The following ITGA1 variants were observed in gnomAD, a reference collection of about 807,000 sequenced individuals.
ITGA1 encodes the protein integrin subunit alpha 1.
A neutral mutation model predicts 145.9 loss-of-function variants in ITGA1; 85 were observed. That is an observed-to-expected ratio of 0.58 (90% CI 0.49 to 0.70). ITGA1 has a LOEUF of 0.70. ITGA1 is among the 30% of genes least tolerant of loss of function. ITGA1 has a pLI of 0.00. For missense variants in ITGA1, 1,351 were observed against 1,418.7 expected, an observed-to-expected ratio of 0.95 and a Z score of 0.77; for synonymous variants, 520 against 495.3, an observed-to-expected ratio of 1.05 and a Z score of -0.66.
chr5:52,880,916 G>A lies in ITGA1; in HGVS notation c.625-957G>A, dbSNP rs1749946426. 1.3e-5 allele frequency among the ~76,000 whole-genome samples: 2 copies of A among 152,174 alleles called. 1 individual carries two copies. The highest frequency in any genetic ancestry group is 4.1e-4 in the South Asian group (2 of 4,820). On this transcript the variant is annotated intron_variant, in intron 6 of 28. Transcript: ENST00000282588. Reference sequence around the variant, plus strand: ...TAAAGGGAGATGTGGAAAAAGTGTAGGAGAGATAGCCATTACTGGGGCCAG... The same window carrying A: ...TAAAGGGAGATGTGGAAAAAGTGTAAGAGAGATAGCCATTACTGGGGCCAG...
In ITGA1 at chr5:52,849,901, C is replaced by T. The variant is rs541258188; in HGVS notation, c.182+416C>T. Reference sequence around the variant, plus strand: ...CACACTTCCGTGAGTTTGGTCTTTACTGATCTACTGAGCTTGGTCTAATGT... The same window carrying T: ...CACACTTCCGTGAGTTTGGTCTTTATTGATCTACTGAGCTTGGTCTAATGT... On this transcript the variant is annotated intron_variant, in intron 2 of 28. Coordinates refer to ENST00000282588, the MANE Select transcript of ITGA1 (RefSeq NM_181501.2). Among the ~76,000 whole-genome samples the T allele has an allele frequency of 1.5e-4, 23 of 152,216 alleles. No homozygotes were observed. The East Asian group carries it at 2.1e-3, about 14-fold the overall frequency.
At chr5:52,949,265 A>G (rs1751182393) in intron 28 of ITGA1, among the ~76,000 whole-genome samples, 1 of 152,156 alleles carries the variant, frequency 6.6e-6, no homozygotes, top group South Asian at 2.1e-4. Flanking sequence ...CTTAATACTC[A>G]TATCAACCTT....
At chr5:52,911,137 ATT>A (rs1750515473) in intron 14 of ITGA1, among the ~76,000 whole-genome samples, 1 of 137,062 alleles carries the variant, frequency 7.3e-6, no homozygotes, top group Non-Finnish European at 1.5e-5. Context: ...TAGTTTATAT[ATT>A]GTATATAGTG....
At chr5:52,801,700 G>C in intron 1 of ITGA1, 1 of 1,614,172 alleles carries the variant, frequency 6.2e-7, no homozygotes, top group African/African-American at 1.3e-5. Flanking sequence ...GAAAGAGAAT[G>C]CAGGCACCGT....
At chr5:52,915,676 C>A in intron 15 of ITGA1, 82 bp downstream of exon 15, 3 of 1,490,060 alleles carry the variant, frequency 2.0e-6, no homozygotes, top group Non-Finnish European at 2.7e-6. Flanking sequence ...CATGTCATAC[C>A]AAATATCTAT....
chr5:52,898,868 T>A (rs941635754), intron 11 of ITGA1, among the ~76,000 whole-genome samples: 8 of 152,170 alleles, frequency 5.3e-5, no homozygotes, highest in Non-Finnish European at 1.0e-4. Context: ...ATAGCTCCAT[T>A]CACAATCAGA....
chr5:52,839,127 A>G (rs1749211570), intron 1 of ITGA1, among the ~76,000 whole-genome samples: 1 of 152,044 alleles, frequency 6.6e-6, no homozygotes, highest in Non-Finnish European at 1.5e-5. Flanking sequence ...AACAACAACA[A>G]CAAAGTCACA....
At chr5:52,909,748 T>C (rs1444403284) in intron 13 of ITGA1, among the ~76,000 whole-genome samples, 3 of 151,784 alleles carry the variant, frequency 2.0e-5, no homozygotes, top group African/African-American at 4.8e-5. Context: ...TGATTACCTT[T>C]GCTAGTACTT....
rs1751238156 is a variant in ITGA1, at chr5:52,952,510, C to A, written c.*59C>A. 1 of 747,812 alleles carries A rather than the reference C, an allele frequency of 1.3e-6. No homozygotes were observed. Among genetic ancestry groups the A allele is most frequent in the Non-Finnish European group, 2.1e-6 (1 of 468,784 alleles). 46.3% of individuals were successfully genotyped at this position (747,812 alleles called of 1,614,324 possible). A position where few individuals can be genotyped will look rare whatever the true frequency, so the allele number is the denominator to read the frequency against. Reference sequence around the variant, plus strand: ...CAATAATCTATCCTCAGGTTTGCCTCAAATATGTGACAAGAAATGTATAAT... The same window carrying A: ...CAATAATCTATCCTCAGGTTTGCCTAAAATATGTGACAAGAAATGTATAAT... On this transcript the variant is annotated 3_prime_UTR_variant, in exon 29 of 29. Coordinates refer to ENST00000282588, the MANE Select transcript of ITGA1 (RefSeq NM_181501.2).
intron 13 of ITGA1, among the ~76,000 whole-genome samples, chr5:52,909,733 A>G (rs894953668): frequency 6.8e-6 from 1 of 146,538 alleles, no homozygotes; most frequent in African/African-American, 2.5e-5. Flanking sequence ...AAGAAAGTGT[A>G]TTCTTGATTA....
chr5:52,818,814 T>C (rs6891629), intron 1 of ITGA1, among the ~76,000 whole-genome samples: 46,590 of 152,014 alleles, frequency 0.31, 7,751 homozygotes, highest in African/African-American at 0.45. Context: ...TTATAAATTT[T>C]AATTCTATTC....
chr5:52,887,157 G>C (rs947272444), intron 7 of ITGA1, among the ~76,000 whole-genome samples: 1 of 152,046 alleles, frequency 6.6e-6, no homozygotes, highest in Admixed American at 6.5e-5. Flanking sequence ...CAAATGTTTT[G>C]TAACTCCTTC....
At chr5:52,867,205 A>C (rs1421937591) in intron 6 of ITGA1, 1 of 152,054 alleles carries the variant, frequency 6.6e-6, no homozygotes, top group East Asian at 1.9e-4. Context: ...TTTGATATCT[A>C]TGTATATATA....
At chr5:52,900,431 G>A (rs78464352) in intron 11 of ITGA1, among the ~76,000 whole-genome samples, 12,082 of 151,942 alleles carry the variant, frequency 0.08, 691 homozygotes, top group Admixed American at 0.19. Flanking sequence ...ACCTAACCTA[G>A]GGAAAAAAAT....
At chr5:52,816,438 A>C (rs1748776369) in intron 1 of ITGA1, among the ~76,000 whole-genome samples, 1 of 152,190 alleles carries the variant, frequency 6.6e-6, no homozygotes, top group African/African-American at 2.4e-5. Context: ...GAATCTAAAA[A>C]CAATTGTTCC....
In ITGA1 at chr5:52,953,039, T is replaced by A. The variant is rs574157889; in HGVS notation, c.*588T>A. ...GGGTTCTATACCTAAAAATTTTCCC[T>A]CCCTGCCCAAGGTGATTGGAAAGTA... On this transcript the variant is annotated 3_prime_UTR_variant, in exon 29 of 29. Coordinates refer to ENST00000282588, the MANE Select transcript of ITGA1 (RefSeq NM_181501.2). The A allele has an allele frequency of 6.6e-5, 10 of 152,230 alleles. No individual in the cohort carries two copies. Among genetic ancestry groups the A allele is most frequent in the African/African-American group, 2.4e-4 (10 of 41,540 alleles). The allele number at this position is 152,230 out of a possible 1,614,324, so 9.4% of individuals were successfully genotyped here.
In ITGA1 at chr5:52,939,689, C is replaced by T; in HGVS notation, c.3178C>T (p.Leu1060=). 1 of 1,605,246 alleles carries T rather than the reference C, an allele frequency of 6.2e-7. No individual in the cohort carries two copies. Among genetic ancestry groups the T allele is most frequent in the Non-Finnish European group, 8.5e-7 (1 of 1,172,248 alleles). ...STDHLKRGTI[L]DCNTCKFATI... ...TGACCATCTCAAACGAGGCACAATT[C>T]TGGTAAATTAAGACAAGTGCTATTT... Residue 1060 remains leucine (L), a splice_region_variant and synonymous_variant, in exon 25 of 29, where the codon CTG becomes TTG. Coordinates refer to ENST00000282588, the MANE Select transcript of ITGA1 (RefSeq NM_181501.2).
chr5:52,901,223 C>T (rs1241933563), intron 11 of ITGA1, among the ~76,000 whole-genome samples: 1 of 152,114 alleles, frequency 6.6e-6, no homozygotes, highest in Non-Finnish European at 1.5e-5. Flanking sequence ...AGGGGGGCCA[C>T]AAGCCAAAAA....
Position 52,898,369 on chromosome 5 carries a change from T to C in ITGA1, c.1295T>C (p.Leu432Pro), listed in dbSNP as rs1299589465. Residue 432 changes from leucine (L) to proline (P), a missense_variant, in exon 11 of 29, where the codon CTT becomes CCT. By Grantham distance (98) the Leu-to-Pro change is moderately conservative (BLOSUM62 -3). Coordinates refer to ENST00000282588, the MANE Select transcript of ITGA1 (RefSeq NM_181501.2). ...GAGTCTACCAAAAAGAATGAACCGC[T>C]TGCTTCTTATTTAGGTAAGGTTTGG... ...NVESTKKNEP[L>P]ASYLGYTVNS... 6 of 1,598,308 alleles carry C rather than the reference T, an allele frequency of 3.8e-6. No homozygotes were observed. Among genetic ancestry groups the C allele is most frequent in the Non-Finnish European group, 5.1e-6 (6 of 1,174,362 alleles).
Sources: allele counts gnomAD v4.1 joint callset (sites outside exome capture counted in the v4.1 genomes callset), GRCh38; gene constraint gnomAD v4.1.1; transcripts MANE v1.5; gene names NCBI Gene and HGNC (gene_info 2026-07-23, HGNC 2026-07-21).